RAB21: variants seen among roughly 807,000 people sequenced by gnomAD.
RAB21 encodes ras-related protein Rab-21.
In RAB21, 13 loss-of-function variants were observed where a neutral mutation model predicts 33.1. The ratio of observed to expected loss-of-function variants is 0.39; its 90% CI spans 0.26 to 0.62. The LOEUF (loss-of-function observed/expected upper bound fraction) is 0.62, where lower values mean the gene tolerates loss of function less well. RAB21 is among the 20% of genes least tolerant of loss of function. RAB21 has a pLI of 0.48. For missense variants in RAB21, 234 were observed against 279.1 expected (o/e 0.84, Z 1.15); for synonymous variants, 91 against 103.7 (o/e 0.88, Z 0.74).
Position 71,792,088 on chromosome 12 carries a change from G to GT in RAB21, c.*6420dup, listed in dbSNP as rs1883394420. 1 of 152,110 alleles carries GT rather than the reference G, an allele frequency of 6.6e-6. No individual in the cohort carries two copies. Among genetic ancestry groups the GT allele is most frequent in the South Asian group, 2.1e-4 (1 of 4,820 alleles). The allele number at this position is 152,110 out of a possible 1,614,324, so 9.4% of individuals were successfully genotyped here. A position where few individuals can be genotyped will look rare whatever the true frequency, so the allele number is the denominator to read the frequency against. The stretch of plus-strand genomic sequence containing the variant: ...GGCTCTCACTTTGTTGCCCAGGCTG[G>GT]TTTTTGAACTAGTTTCAAAGTGATC... On this transcript the variant is annotated 3_prime_UTR_variant, in exon 7 of 7. Transcript: ENST00000261263.
chr12:71,768,721 C>T (rs923784156), intron 1 of RAB21, among the ~76,000 whole-genome samples: 1 of 152,062 alleles, frequency 6.6e-6, no homozygotes, highest in Non-Finnish European at 1.5e-5. Context: ...TTTCTTCAAA[C>T]AGTTGTTCTT....
chr12:71,763,128 C>A (rs989159965), intron 1 of RAB21, among the ~76,000 whole-genome samples: 1 of 141,720 alleles, frequency 7.1e-6, no homozygotes, highest in Non-Finnish European at 1.6e-5. Flanking sequence ...CACACACACA[C>A]AATCTTACTA....
chr12:71,784,720 T>C (rs575368507), intron 6 of RAB21, among the ~76,000 whole-genome samples: 9 of 152,196 alleles, frequency 5.9e-5, no homozygotes, highest in Non-Finnish European at 1.3e-4. Flanking sequence ...AGCTTTATAC[T>C]AGTTCTTGCA....
intron 1 of RAB21, among the ~76,000 whole-genome samples, chr12:71,767,232 C>T (rs889689985): frequency 9.9e-5 from 15 of 152,002 alleles, no homozygotes; most frequent in African/African-American, 3.6e-4. Flanking sequence ...TTTTGTGTAT[C>T]CATAGTTCCT....
intron 4 of RAB21, among the ~76,000 whole-genome samples, chr12:71,780,223 T>C (rs1272184179): frequency 1.3e-5 from 2 of 152,206 alleles, no homozygotes; most frequent in Admixed American, 1.3e-4. Context: ...TCTTCACTCT[T>C]TTTATAGGTA....
Position 71,785,900 on chromosome 12 carries a change from GTTTTTT to G in RAB21, c.*231_*236del, listed in dbSNP as rs369714985. 8.7e-6 allele frequency: 3 copies of G among 345,274 alleles called. No individual in the cohort carries two copies. The highest frequency in any genetic ancestry group is 1.5e-5 in the Non-Finnish European group (3 of 203,758). 21.4% of individuals were successfully genotyped at this position (345,274 alleles called of 1,614,324 possible). A position where few individuals can be genotyped will look rare whatever the true frequency, so the allele number is the denominator to read the frequency against. On this transcript the variant is annotated 3_prime_UTR_variant, in exon 7 of 7. Transcript: ENST00000261263. ...AAATGTTTTTTTTTGTTTTTTTTTT[GTTTTTT>G]TTTGTTTTTTTTTGAGACGGAGTCT...
rs994585403 is a variant in RAB21, at chr12:71,790,687, A to G, written c.*5014A>G. 3 of 152,142 alleles carry G rather than the reference A, an allele frequency of 2.0e-5. No homozygotes were observed. The highest frequency in any genetic ancestry group is 4.4e-5 in the Non-Finnish European group (3 of 68,026). The allele number at this position is 152,142 out of a possible 1,614,324, so 9.4% of individuals were successfully genotyped here. A position where few individuals can be genotyped will look rare whatever the true frequency, so the allele number is the denominator to read the frequency against. ...AAATATCTTTTTGCTATGTATTAAT[A>G]TATCTATATGTTTACATATAGAAAT... On this transcript the variant is annotated 3_prime_UTR_variant, in exon 7 of 7. Coordinates refer to ENST00000261263, the MANE Select transcript of RAB21 (RefSeq NM_014999.4).
chr12:71,789,400 T>G lies in RAB21; in HGVS notation c.*3727T>G, dbSNP rs540288661. On this transcript the variant is annotated 3_prime_UTR_variant, in exon 7 of 7. Transcript: ENST00000261263. ...ATTCAGATAGTATAGTTTACTCTTA[T>G]AATTACCCGTTACGTTATCTCTAAA... 15 of 152,252 alleles carry G rather than the reference T, an allele frequency of 9.9e-5. No individual in the cohort carries two copies. The highest frequency in any genetic ancestry group is 3.4e-4 in the African/African-American group (14 of 41,570). 9.4% of individuals were successfully genotyped at this position (152,252 alleles called of 1,614,324 possible).
rs1435309913 is a variant in RAB21, at chr12:71,789,767, G to C, written c.*4094G>C. The C allele has an allele frequency of 6.6e-6, 1 of 152,048 alleles. No homozygotes were observed. The highest frequency in any genetic ancestry group is 1.5e-5 in the Non-Finnish European group (1 of 67,972). The allele number at this position is 152,048 out of a possible 1,614,324, so 9.4% of individuals were successfully genotyped here. ...ATTGATTTTAGTATGTTGCTGTTCT[G>C]TTATCTGTAATCAACTATAACAGAG... On this transcript the variant is annotated 3_prime_UTR_variant, in exon 7 of 7. Transcript: ENST00000261263.
rs1883328883 is a variant in RAB21 at position 71,788,482 on chromosome 12, G to C, written c.*2809G>C. ...TGGGTAGGAATAGAGTAATGAAAGA[G>C]GACCAGTCAACTTCAGTATATATAC... On this transcript the variant is annotated 3_prime_UTR_variant, in exon 7 of 7. Transcript: ENST00000261263. 6.6e-6 allele frequency: 1 copy of C among 152,084 alleles called. No homozygotes were observed. Among genetic ancestry groups the C allele is most frequent in the African/African-American group, 2.4e-5 (1 of 41,418 alleles). The allele number at this position is 152,084 out of a possible 1,614,324, so 9.4% of individuals were successfully genotyped here.
intron 4 of RAB21, among the ~76,000 whole-genome samples, chr12:71,776,208 A>G (rs1167239372): frequency 6.6e-6 from 1 of 152,236 alleles, no homozygotes; most frequent in Admixed American, 6.5e-5. Context: ...AAGTCAAGGA[A>G]ACCCCAAGAG....
intron 5 of RAB21, 53 bp from the exon 6 acceptor site, chr12:71,782,517 A>G: frequency 7.7e-7 from 1 of 1,306,802 alleles, no homozygotes; most frequent in Non-Finnish European, 1.1e-6. Flanking sequence ...AGCAGTTAAG[A>G]CAAAATCATG....
At chr12:71,770,931 A>G (rs1883033568) in intron 3 of RAB21, among the ~76,000 whole-genome samples, 1 of 152,218 alleles carries the variant, frequency 6.6e-6, no homozygotes, top group Non-Finnish European at 1.5e-5. Context: ...CGTTAGAATA[A>G]TTAATGCCTT....
chr12:71,762,410 A>C (rs183549611), intron 1 of RAB21, among the ~76,000 whole-genome samples: 1 of 152,144 alleles, frequency 6.6e-6, no homozygotes, highest in East Asian at 1.9e-4. Flanking sequence ...GGTTCACGCC[A>C]TTCTCCTGCC....
chr12:71,794,221 CAAAAAA>C lies in RAB21; in HGVS notation c.*8550_*8555del, dbSNP rs1265548645. On this transcript the variant is annotated 3_prime_UTR_variant, in exon 7 of 7. Transcript: ENST00000261263. ...TGGACGACAGAGTGAGGCCCTGTCT[CAAAAAA>C]AGAAAAAAGAAAAAAAAAAGTTAAA... The C allele has an allele frequency of 7.7e-6, 1 of 130,160 alleles. No individual in the cohort carries two copies. Among genetic ancestry groups the C allele is most frequent in the Non-Finnish European group, 1.5e-5 (1 of 65,332 alleles). 8.1% of individuals were successfully genotyped at this position (130,160 alleles called of 1,614,324 possible).
chr12:71,757,933 T>TC (rs1436497559), intron 1 of RAB21, among the ~76,000 whole-genome samples: 1 of 151,862 alleles, frequency 6.6e-6, no homozygotes, highest in African/African-American at 2.4e-5. Flanking sequence ...CAAGTGATTG[T>TC]CCCCCTTTTT....
intron 6 of RAB21, among the ~76,000 whole-genome samples, chr12:71,783,386 T>C (rs961023405): frequency 1.4e-4 from 22 of 151,940 alleles, no homozygotes; most frequent in African/African-American, 5.1e-4. Context: ...TTTATGGACT[T>C]TAGACTCTTT....
rs1273775989 is a variant in RAB21, at chr12:71,798,868, T to C, written c.*13195T>C. The C allele has an allele frequency of 6.6e-6, 1 of 152,068 alleles. No individual in the cohort carries two copies. Among genetic ancestry groups the C allele is most frequent in the Non-Finnish European group, 1.5e-5 (1 of 68,004 alleles). 9.4% of individuals were successfully genotyped at this position (152,068 alleles called of 1,614,324 possible). A position where few individuals can be genotyped will look rare whatever the true frequency, so the allele number is the denominator to read the frequency against. ...CTTCAAGTTGCAGAGGCTGAGAAAT[T>C]ATTAAACTGTTACCCAGAACTTTTT... On this transcript the variant is annotated 3_prime_UTR_variant, in exon 7 of 7. Coordinates refer to ENST00000261263, the MANE Select transcript of RAB21 (RefSeq NM_014999.4).
intron 4 of RAB21, among the ~76,000 whole-genome samples, chr12:71,778,909 G>T (rs1435305325): frequency 6.6e-6 from 1 of 152,198 alleles, no homozygotes; most frequent in Non-Finnish European, 1.5e-5. Context: ...TTGGGAGGCT[G>T]AAGCAGGCGG....
Sources: gnomAD v4.1 joint callset for allele counts (sites outside exome capture counted in the v4.1 genomes callset) on GRCh38, gnomAD v4.1.1 for gene constraint, MANE v1.5 for transcripts, NCBI Gene and HGNC (gene_info 2026-07-23, HGNC 2026-07-21) for gene names.